Variants in UGGT1 observed in about 807,000 individuals in gnomAD.
UGGT1 encodes the protein UDP-glucose:glycoprotein glucosyltransferase 1.
UGGT1 carries 107 observed loss-of-function variants against 203.9 expected under a neutral mutation model. That is an observed-to-expected ratio of 0.52 (90% CI 0.45 to 0.62). The LOEUF (loss-of-function observed/expected upper bound fraction) is 0.62. Among genes scored for constraint, UGGT1 ranks in the 20% least tolerant of loss-of-function variants. The pLI is 0.00. For missense variants in UGGT1, 1,673 were observed against 1,867.2 expected (o/e 0.90, Z 1.92); for synonymous variants, 628 against 653.5 (o/e 0.96, Z 0.59).
chr2:128,098,572 A>G (rs965547415), intron 2 of UGGT1, among the ~76,000 whole-genome samples: 5 of 152,172 alleles, frequency 3.3e-5, no homozygotes, highest in African/African-American at 7.2e-5. Context: ...CCTGGGCAAC[A>G]TGGGGAAACC....
chr2:128,136,893 T>G (rs1204597579), intron 15 of UGGT1, among the ~76,000 whole-genome samples: 1 of 152,166 alleles, frequency 6.6e-6, no homozygotes, highest in East Asian at 1.9e-4. Flanking sequence ...GTATTTAGGA[T>G]TTTGGTCATT....
At position 128,170,334 on chromosome 2, in the gene UGGT1, G is replaced by C; in HGVS notation, c.2968G>C (p.Val990Leu). The change falls in exon 27 of 41, where the codon GTG becomes CTG. Residue 990 changes from valine (V) to leucine (L), a missense_variant. Coordinates refer to ENST00000259253, the MANE Select transcript of UGGT1 (RefSeq NM_020120.4). Reference sequence around the variant, plus strand: ...GGAAGGGGAGACATACTTTGATGTTGTGGCTGTCGTTGACCCTGTCACCAG... The same window carrying C: ...GGAAGGGGAGACATACTTTGATGTTCTGGCTGTCGTTGACCCTGTCACCAG... ...PKEGETYFDV[V>L]AVVDPVTREA... is the part of the protein sequence containing the mutation. 6.2e-7 allele frequency: 1 copy of C among 1,614,224 alleles called. No individual in the cohort carries two copies. Among genetic ancestry groups the C allele is most frequent in the Non-Finnish European group, 8.5e-7 (1 of 1,180,022 alleles).
In UGGT1 at chr2:128,120,404, T is replaced by A; in HGVS notation, c.921T>A (p.His307Gln). Residue 307 changes from histidine (H) to glutamine (Q), a missense_variant, in exon 9 of 41, where the codon CAT becomes CAA. His to Gln is a conservative substitution (Grantham distance 24, BLOSUM62 0). Coordinates refer to ENST00000259253, the MANE Select transcript of UGGT1 (RefSeq NM_020120.4). ...LEGQLKELRK[H>Q]LVESTNEMAP... ...GACAGTTGAAAGAACTCAGAAAGCA[T>A]CTTGTAGAGAGCACCAATGAAATGG... 6.2e-7 allele frequency: 1 copy of A among 1,614,070 alleles called. No individual in the cohort carries two copies.
chr2:128,189,683 C>T, intron 40 of UGGT1, 34 bp from the exon 41 acceptor site: 1 of 1,603,448 alleles, frequency 6.2e-7, no homozygotes, highest in Non-Finnish European at 8.5e-7. Flanking sequence ...TGAAGATCAT[C>T]TGTTTTCTTT....
intron 12 of UGGT1, among the ~76,000 whole-genome samples, chr2:128,128,291 A>G (rs1174931098): frequency 6.8e-6 from 1 of 147,142 alleles, no homozygotes; most frequent in Middle Eastern, 3.5e-3. Context: ...TTTTAATCAC[A>G]TCTTATTTCT....
intron 8 of UGGT1, among the ~76,000 whole-genome samples, chr2:128,118,041 T>C (rs1345618966): frequency 1.3e-5 from 2 of 151,620 alleles, no homozygotes; most frequent in East Asian, 3.9e-4. Context: ...AGTGATCAAA[T>C]AGAAATAGTA....
chr2:128,096,897 G>C (rs1012533310), intron 1 of UGGT1, among the ~76,000 whole-genome samples: 2 of 152,118 alleles, frequency 1.3e-5, no homozygotes, highest in Non-Finnish European at 2.9e-5. Flanking sequence ...GCCTTTGTAG[G>C]AAAGAATGTA....
chr2:128,164,848 G>T (rs1690708772), intron 26 of UGGT1, 23 bp downstream of exon 26: 2 of 1,548,028 alleles, frequency 1.3e-6, no homozygotes, highest in Non-Finnish European at 1.7e-6. Flanking sequence ...TGTTGAATTT[G>T]TGCATATTCT....
chr2:128,168,910 G>C (rs1690935884), intron 26 of UGGT1, among the ~76,000 whole-genome samples: 1 of 152,026 alleles, frequency 6.6e-6, no homozygotes, highest in Admixed American at 6.5e-5. Flanking sequence ...AGCTGGGCAT[G>C]GTGGCATGTG....
Position 128,187,577 on chromosome 2 carries a change from A to G in UGGT1, c.4605A>G (p.Ala1535=), listed in dbSNP as rs751436323. The change falls in exon 40 of 41, where the codon GCA becomes GCG. Residue 1535 remains alanine (A), a synonymous_variant. Coordinates refer to ENST00000259253, the MANE Select transcript of UGGT1 (RefSeq NM_020120.4). The part of the protein sequence containing the change: ...IRFQKEKETG[A]LYKEKTKEPS... ...TTCAGAAGGAGAAAGAAACGGGAGC[A>G]CTGTACAAAGAGAAGACAAAAGAAC... is the stretch of plus-strand genomic sequence containing the variant. 4.3e-6 allele frequency: 7 copies of G among 1,613,960 alleles called. No individual in the cohort carries two copies. Among genetic ancestry groups the G allele is most frequent in the Non-Finnish European group, 5.9e-6 (7 of 1,179,998 alleles).
chr2:128,164,026 A>G (rs1690659031), intron 25 of UGGT1, among the ~76,000 whole-genome samples: 2 of 152,230 alleles, frequency 1.3e-5, no homozygotes, highest in South Asian at 4.1e-4. Context: ...AAAATACATA[A>G]AAATTAGCTG....
chr2:128,177,931 A>G lies in UGGT1; in HGVS notation c.3713+11A>G, dbSNP rs765884074. 6.3e-7 allele frequency: 1 copy of G among 1,584,958 alleles called. No homozygotes were observed. The highest frequency in any genetic ancestry group is 1.2e-5 in the South Asian group (1 of 86,500). On this transcript the variant is annotated intron_variant, in intron 33 of 40. Coordinates refer to ENST00000259253, the MANE Select transcript of UGGT1 (RefSeq NM_020120.4). Reference sequence around the variant, plus strand: ...GGATTCCTTCAAATGGTAAGTTGACATTGTAAGAGTTATGTTTTTAAGGAA... The same window carrying G: ...GGATTCCTTCAAATGGTAAGTTGACGTTGTAAGAGTTATGTTTTTAAGGAA...
chr2:128,098,006 A>G (rs1283574479), intron 2 of UGGT1, among the ~76,000 whole-genome samples: 1 of 152,054 alleles, frequency 6.6e-6, no homozygotes, highest in Non-Finnish European at 1.5e-5. Flanking sequence ...GGATCACGGA[A>G]GTGCCCCACC....
At chr2:128,161,668 A>G (rs1690533783) in intron 25 of UGGT1, among the ~76,000 whole-genome samples, 1 of 152,132 alleles carries the variant, frequency 6.6e-6, no homozygotes, top group South Asian at 2.1e-4. Flanking sequence ...TGTTTCTTTT[A>G]TTTACCAGTG....
Position 128,183,939 on chromosome 2 carries a change from A to AGC in UGGT1, c.4359+151_4359+152insCG, listed in dbSNP as rs1691844791. 2.1e-5 allele frequency: 3 copies of AGC among 140,734 alleles called. No individual in the cohort carries two copies. The East Asian group carries it at 4.4e-4, about 21-fold the overall frequency. The allele number at this position is 140,734 out of a possible 1,614,324, so 8.7% of individuals were successfully genotyped here. A position where few individuals can be genotyped will look rare whatever the true frequency, so the allele number is the denominator to read the frequency against. Reference sequence around the variant, plus strand: ...GTGTGTGTGTGTGTGTGTGTGTGTGAGAGAGAGAGAGAGAGAGAGAGATTT... The same window carrying AGC: ...GTGTGTGTGTGTGTGTGTGTGTGTGAGCGAGAGAGAGAGAGAGAGAGAGATTT... On this transcript the variant is annotated intron_variant, in intron 38 of 40. Transcript: ENST00000259253.
At chr2:128,132,075 C>G (rs942768235) in intron 13 of UGGT1, among the ~76,000 whole-genome samples, 8 of 152,266 alleles carry the variant, frequency 5.3e-5, no homozygotes, top group African/African-American at 1.7e-4. Flanking sequence ...GACAAACTTT[C>G]ACTTTTTCTG....
At chr2:128,120,608 G>A in intron 9 of UGGT1, 152 bp downstream of exon 9, 1 of 653,012 alleles carries the variant, frequency 1.5e-6, no homozygotes. Context: ...GATTAATCAG[G>A]GAAGAAAGGA....
chr2:128,123,068 T>A (rs986379525), intron 10 of UGGT1, 118 bp from the exon 11 acceptor site: 1 of 676,482 alleles, frequency 1.5e-6, no homozygotes, highest in Non-Finnish European at 2.3e-6. Flanking sequence ...ATTTAAGGTT[T>A]TTCCCATTCA....
At chr2:128,144,433 T>C (rs1027627366) in intron 17 of UGGT1, among the ~76,000 whole-genome samples, 8 of 152,344 alleles carry the variant, frequency 5.3e-5, no homozygotes, top group African/African-American at 1.9e-4. Context: ...AGTTACTGTT[T>C]GCAGACAAAA....
Sources: gnomAD v4.1 joint callset for allele counts (sites outside exome capture counted in the v4.1 genomes callset) on GRCh38, gnomAD v4.1.1 for gene constraint, MANE v1.5 for transcripts, NCBI Gene and HGNC (gene_info 2026-07-23, HGNC 2026-07-21) for gene names.